Variants in SLC22A8 observed in about 807,000 individuals in gnomAD.
SLC22A8 encodes the protein solute carrier family 22 member 8.
In SLC22A8, 40 loss-of-function variants were observed where a neutral mutation model predicts 48.4. That is an observed-to-expected ratio of 0.83 (90% CI 0.64 to 1.08). The LOEUF (loss-of-function observed/expected upper bound fraction) is 1.08, where lower values mean the gene tolerates loss of function less well. Among genes scored for constraint, SLC22A8 ranks in the 50% least tolerant of loss-of-function variants. The probability of loss-of-function intolerance (pLI) is 0.00; values close to 1 mark genes in which losing one functional copy is unlikely to be tolerated. For synonymous variants in SLC22A8, 268 were observed against 286.3 expected, an observed-to-expected ratio of 0.94 and a Z score of 0.65; for missense variants, 606 against 699.0, an observed-to-expected ratio of 0.87 and a Z score of 1.50.
rs202146295 is a variant in SLC22A8 at position 62,993,239 on chromosome 11, A to C, written c.1627T>G (p.Ter543GlyextTer13). The change falls in exon 11 of 11, where the codon TGA (stop) becomes GGA (glycine). Residue 543 changes from the stop codon to glycine (G), a stop_lost. Transcript: ENST00000336232. ...AGGGAAAGGGGGTTCCGTTGTCCTC[A>C]GCTGGAGCCCAGGCCTGGTCCGTGA... ...QPHGPGLGSS[*>G] The C allele has an allele frequency of 6.2e-7, 1 of 1,611,218 alleles. No individual in the cohort carries two copies. The highest frequency in any genetic ancestry group is 2.2e-5 in the East Asian group (1 of 44,852).
intron 2 of SLC22A8, among the ~76,000 whole-genome samples, chr11:63,004,794 A>G (rs2135134345): frequency 6.6e-6 from 1 of 152,348 alleles, no homozygotes; most frequent in Middle Eastern, 3.4e-3. Context: ...CTAGGCACTC[A>G]ATACTTGTGG....
chr11:63,000,021 A>G (rs577343599), intron 3 of SLC22A8, among the ~76,000 whole-genome samples, 179 bp from the exon 4 acceptor site: 1 of 152,330 alleles, frequency 6.6e-6, no homozygotes, highest in African/African-American at 2.4e-5. Flanking sequence ...CAAGTTTGCA[A>G]TTAGAGGTTT....
Position 62,994,614 on chromosome 11 carries a change from G to A in SLC22A8, c.1144C>T (p.Arg382Trp), listed in dbSNP as rs772149543. 6.8e-6 allele frequency: 11 copies of A among 1,614,114 alleles called. No individual in the cohort carries two copies. Among genetic ancestry groups the A allele is most frequent in the East Asian group, 2.2e-5 (1 of 44,882 alleles). Residue 382 changes from arginine to tryptophan, a missense_variant, in exon 8 of 11, where the codon CGG (arginine) becomes TGG (tryptophan). Coordinates refer to ENST00000336232, the MANE Select transcript of SLC22A8 (RefSeq NM_004254.4). ...ITILSLSYLG[R>W]HTTQAAALLL... ...AGGGCAGCGGCCTGAGTGGTATGCC[G>A]GCCCAGGTAGCTTAAGGAGAGGATG...
Position 63,014,878 on chromosome 11 carries a change from C to T in SLC22A8, c.81G>A (p.Pro27=), listed in dbSNP as rs150694112. The T allele has an allele frequency of 1.2e-4, 196 of 1,608,056 alleles. 1 individual carries two copies. The East Asian group carries it at 2.5e-3, about 21-fold the overall frequency. The change falls in exon 2 of 11, where the codon CCG becomes CCA. Residue 27 remains proline (P), a synonymous_variant. Coordinates refer to ENST00000336232, the MANE Select transcript of SLC22A8 (RefSeq NM_004254.4). ...QFLHVAILGL[P]ILNMANHNLL... ...GGTTGTGGTTGGCCATGTTGAGGAT[C>T]GGGAGGCCCAGTATGGCTACATGCA... is the stretch of plus-strand genomic sequence containing the variant.
chr11:63,003,721 T>C (rs1044438901), intron 2 of SLC22A8, among the ~76,000 whole-genome samples: 5 of 152,180 alleles, frequency 3.3e-5, no homozygotes, highest in African/African-American at 9.7e-5. Flanking sequence ...AAGAGATGTA[T>C]GTTACTTCCA....
At chr11:63,003,362 C>T (rs773682597) in intron 2 of SLC22A8, among the ~76,000 whole-genome samples, 2 of 152,166 alleles carry the variant, frequency 1.3e-5, no homozygotes, top group African/African-American at 4.8e-5. Flanking sequence ...GATGGAATCT[C>T]CGGGTCCTAC....
intron 2 of SLC22A8, among the ~76,000 whole-genome samples, chr11:63,011,741 C>T (rs1160429646): frequency 6.6e-6 from 1 of 152,164 alleles, no homozygotes; most frequent in Non-Finnish European, 1.5e-5. Flanking sequence ...CACAAACTAC[C>T]CTCTAAGGGG....
chr11:63,002,211 C>T (rs927839971), intron 2 of SLC22A8, among the ~76,000 whole-genome samples: 4 of 152,016 alleles, frequency 2.6e-5, no homozygotes, highest in African/African-American at 7.2e-5. Flanking sequence ...CATCCAGCCT[C>T]TTTTTTATTT....
At chr11:63,014,604 G>A (rs781047238) in intron 2 of SLC22A8, 22 bp downstream of exon 2, 26 of 1,557,516 alleles carry the variant, frequency 1.7e-5, no homozygotes, top group Middle Eastern at 3.7e-4. Context: ...TAAGTGGAGG[G>A]AGAGGGTTTG....
chr11:62,994,993 AG>A, intron 7 of SLC22A8: 1 of 563,958 alleles, frequency 1.8e-6, no homozygotes, highest in Admixed American at 3.0e-5. Flanking sequence ...GTGGTGGCAA[AG>A]GTGCCAATAA....
At chr11:63,015,158 T>C (rs1207458411) in intron 1 of SLC22A8, among the ~76,000 whole-genome samples, 175 bp from the exon 2 acceptor site, 1 of 152,088 alleles carries the variant, frequency 6.6e-6, no homozygotes, top group Non-Finnish European at 1.5e-5. Flanking sequence ...CGCAGATTCT[T>C]GTGTGGATGT....
Position 63,000,751 on chromosome 11 carries a change from C to T in SLC22A8, c.406G>A (p.Gly136Arg). 1 of 1,613,958 alleles carries T rather than the reference C, an allele frequency of 6.2e-7. No individual in the cohort carries two copies. Among genetic ancestry groups the T allele is most frequent in the Non-Finnish European group, 8.5e-7 (1 of 1,179,842 alleles). Residue 136 changes from glycine (G) to arginine (R), a missense_variant, in exon 3 of 11, where the codon GGA becomes AGA. By Grantham distance (125) the Gly-to-Arg change is moderately radical (BLOSUM62 -2). Transcript: ENST00000336232. Reference protein sequence around the residue: ...QSIFMAGILIGGLVLGDLSDR... With the variant: ...QSIFMAGILIRGLVLGDLSDR... ...GACAGGTCTCCAAGCACGAGCCCTC[C>T]AATCAGTATACCTGCCATGAAGATA... is the stretch of plus-strand genomic sequence containing the variant.
At position 63,000,320 on chromosome 11, in the gene SLC22A8, C is replaced by A. The variant is rs548503091; in HGVS notation, c.437+400G>T. On this transcript the variant is annotated intron_variant, in intron 3 of 10. Transcript: ENST00000336232. ...CCAACATGGTGAAACCTCGTCTCTA[C>A]TAAAAATACAAAAATTAGCCAGGCG... Among the ~76,000 whole-genome samples the A allele has an allele frequency of 3.9e-5, 6 of 152,120 alleles. No individual in the cohort carries two copies. The South Asian group carries it at 1.0e-3, about 26-fold the overall frequency.
chr11:63,013,781 GT>G (rs2086644737), intron 2 of SLC22A8, among the ~76,000 whole-genome samples: 1 of 152,174 alleles, frequency 6.6e-6, no homozygotes, highest in Non-Finnish European at 1.5e-5. Context: ...AAACAAGACA[GT>G]GTCTACAAAG....
intron 8 of SLC22A8, 21 bp downstream of exon 8, chr11:62,994,521 G>A: frequency 6.4e-7 from 1 of 1,565,584 alleles, no homozygotes; most frequent in South Asian, 1.2e-5. Context: ...AGAGGGTTCT[G>A]GGGTAGCCCC....
chr11:63,003,359 T>C (rs965568263), intron 2 of SLC22A8, among the ~76,000 whole-genome samples: 1 of 152,124 alleles, frequency 6.6e-6, no homozygotes, highest in South Asian at 2.1e-4. Flanking sequence ...GTGGATGGAA[T>C]CTCCGGGTCC....
intron 2 of SLC22A8, among the ~76,000 whole-genome samples, chr11:63,001,647 G>A (rs2086496299): frequency 6.6e-6 from 1 of 152,066 alleles, no homozygotes; most frequent in African/African-American, 2.4e-5. Context: ...GCTTTCCCAG[G>A]GCTCTTCCTG....
chr11:62,999,234 G>A (rs2086462269), intron 4 of SLC22A8, 145 bp from the exon 5 acceptor site: 1 of 671,958 alleles, frequency 1.5e-6, no homozygotes. Flanking sequence ...GGGTCTTCCT[G>A]CTGTTCTGAT....
chr11:63,000,707 C>A lies in SLC22A8; in HGVS notation c.437+13G>T. ...TGGGTCATGCTTCCATGGGCTGTGC[C>A]CCCATGTCTCACCTGTCAGACAGGT... On this transcript the variant is annotated intron_variant, in intron 3 of 10. Coordinates refer to ENST00000336232, the MANE Select transcript of SLC22A8 (RefSeq NM_004254.4). 6.4e-7 allele frequency: 1 copy of A among 1,568,202 alleles called. No homozygotes were observed. The highest frequency in any genetic ancestry group is 1.1e-5 in the South Asian group (1 of 90,094).
Sources: gnomAD v4.1 joint callset for allele counts (sites outside exome capture counted in the v4.1 genomes callset) on GRCh38, gnomAD v4.1.1 for gene constraint, MANE v1.5 for transcripts, NCBI Gene and HGNC (gene_info 2026-07-23, HGNC 2026-07-21) for gene names.